CSMD3: variants seen among roughly 807,000 people sequenced by gnomAD.
The protein encoded by CSMD3 is CUB and Sushi multiple domains 3.
Under a neutral mutation model 435.2 loss-of-function variants are expected in CSMD3, and 177 were observed. The observed-to-expected ratio is 0.41, with a 90% confidence interval of 0.36 to 0.46. The LOEUF (loss-of-function observed/expected upper bound fraction) is 0.46, where lower values mean the gene tolerates loss of function less well. Among genes scored for constraint, CSMD3 ranks in the 20% least tolerant of loss-of-function variants. The pLI is 0.34. For synonymous variants in CSMD3, 1,656 were observed against 1,520.5 expected, an observed-to-expected ratio of 1.09 and a Z score of -2.07; for missense variants, 4,265 against 4,504.6, an observed-to-expected ratio of 0.95 and a Z score of 1.52.
intron 6 of CSMD3, among the ~76,000 whole-genome samples, chr8:113,016,567 A>G (rs572156651): frequency 3.3e-5 from 5 of 151,976 alleles, no homozygotes; most frequent in African/African-American, 9.6e-5. Context: ...GTCTTTGGAA[A>G]CCTGCAGATT....
intron 32 of CSMD3, among the ~76,000 whole-genome samples, chr8:112,420,917 C>T (rs1812424661): frequency 6.6e-6 from 1 of 152,038 alleles, no homozygotes; most frequent in Non-Finnish European, 1.5e-5. Flanking sequence ...TTCTTTAACT[C>T]CACTCTGCAT....
chr8:112,852,337 T>A (rs1435412867), intron 11 of CSMD3, among the ~76,000 whole-genome samples: 1 of 152,178 alleles, frequency 6.6e-6, no homozygotes, highest in Non-Finnish European at 1.5e-5. Flanking sequence ...TTGGATTTTT[T>A]TGTTTTCCTG....
At chr8:112,786,163 G>T (rs2078532668) in intron 13 of CSMD3, among the ~76,000 whole-genome samples, 1 of 152,022 alleles carries the variant, frequency 6.6e-6, no homozygotes, top group African/African-American at 2.4e-5. Context: ...AAGATGCCAA[G>T]AACATACACT....
At position 112,745,730 on chromosome 8, in the gene CSMD3, C is replaced by T. The variant is rs138336518; in HGVS notation, c.1972+54432G>A. On this transcript the variant is annotated intron_variant, in intron 13 of 70. Transcript: ENST00000297405. ...AATTTTCAAATATTTTTATATACTACTGAAAAAGTTTAGAGTCCTTAGGAA... is the reference window on the plus strand; with the variant it reads ...AATTTTCAAATATTTTTATATACTATTGAAAAAGTTTAGAGTCCTTAGGAA... 9.9e-4 allele frequency among the ~76,000 whole-genome samples: 148 copies of T among 148,766 alleles called. 1 individual carries two copies. In the East Asian group the frequency reaches 0.018, roughly 18 times the overall value.
chr8:112,686,759 T>G (rs959866097), intron 14 of CSMD3, among the ~76,000 whole-genome samples: 5 of 152,182 alleles, frequency 3.3e-5, no homozygotes, highest in Non-Finnish European at 7.3e-5. Context: ...GTAATGGGAT[T>G]ACAGGCGTGA....
chr8:112,708,400 A>G (rs1327696075), intron 13 of CSMD3, among the ~76,000 whole-genome samples: 1 of 152,012 alleles, frequency 6.6e-6, no homozygotes, highest in African/African-American at 2.4e-5. Flanking sequence ...TAAATAAGAA[A>G]CAAAACTAAA....
At chr8:112,613,546 T>A (rs559388776) in intron 22 of CSMD3, among the ~76,000 whole-genome samples, 6 of 152,310 alleles carry the variant, frequency 3.9e-5, no homozygotes, top group Non-Finnish European at 8.8e-5. Flanking sequence ...AAACCATGTT[T>A]ATTTTGAAAT....
intron 1 of CSMD3, among the ~76,000 whole-genome samples, chr8:113,397,038 T>G (rs2094486789): frequency 6.6e-6 from 1 of 152,152 alleles, no homozygotes; most frequent in Admixed American, 6.5e-5. Context: ...TATAAACGAA[T>G]GAATGTTGGA....
At chr8:112,611,731 C>T (rs1458723278) in intron 22 of CSMD3, among the ~76,000 whole-genome samples, 2 of 152,082 alleles carry the variant, frequency 1.3e-5, no homozygotes, top group Non-Finnish European at 2.9e-5. Context: ...CAGATTCTAG[C>T]TAATGAAATT....
chr8:112,743,296 C>CA (rs372456900), intron 13 of CSMD3, among the ~76,000 whole-genome samples: 2,062 of 141,148 alleles, frequency 0.015, 59 homozygotes, highest in African/African-American at 0.045. Flanking sequence ...ACATTCTCAC[C>CA]AAAAAAAAAA....
intron 13 of CSMD3, among the ~76,000 whole-genome samples, chr8:112,745,174 G>C (rs921561921): frequency 3.0e-4 from 45 of 152,036 alleles, no homozygotes; most frequent in African/African-American, 1.1e-3. Flanking sequence ...CTGTGACAGT[G>C]TGTACTTAAC....
chr8:112,411,057 T>G (rs543337971), intron 32 of CSMD3, among the ~76,000 whole-genome samples: 1 of 150,732 alleles, frequency 6.6e-6, no homozygotes, highest in East Asian at 2.0e-4. Context: ...TTACAAACAT[T>G]TAAAACAACT....
Position 112,293,314 on chromosome 8 carries a change from A to G in CSMD3, c.8615-604T>C, listed in dbSNP as rs550106335. 2.7e-4 allele frequency among the ~76,000 whole-genome samples: 41 copies of G among 152,214 alleles called. 1 individual carries two copies. The Middle Eastern group carries it at 0.01, about 38-fold the overall frequency. On this transcript the variant is annotated intron_variant, in intron 54 of 70. Transcript: ENST00000297405. ...TTAAAAAACAAAGTTAAAAAGTAGA[A>G]AAGAACAAAACTGCACCAGTTTTCC...
At chr8:112,968,126 A>T (rs1267870887) in intron 7 of CSMD3, among the ~76,000 whole-genome samples, 1 of 151,876 alleles carries the variant, frequency 6.6e-6, no homozygotes, top group Non-Finnish European at 1.5e-5. Flanking sequence ...CTGATTTCAC[A>T]TTTAATGAGA....
intron 32 of CSMD3, among the ~76,000 whole-genome samples, chr8:112,413,763 T>C (rs935793963): frequency 1.5e-4 from 23 of 152,208 alleles, no homozygotes; most frequent in African/African-American, 5.5e-4. Flanking sequence ...GTTGAAACGT[T>C]CTACCACTGC....
chr8:113,430,285 A>T (rs2094663640), intron 1 of CSMD3, among the ~76,000 whole-genome samples: 1 of 152,196 alleles, frequency 6.6e-6, no homozygotes, highest in Admixed American at 6.5e-5. Context: ...TATTTGAATA[A>T]TATTGGCAAT....
chr8:112,247,745 T>C (rs1370649126), intron 63 of CSMD3, among the ~76,000 whole-genome samples: 1 of 152,118 alleles, frequency 6.6e-6, no homozygotes, highest in African/African-American at 2.4e-5. Flanking sequence ...AGGAATTTGT[T>C]AAAAATGTCA....
chr8:113,155,367 T>C (rs1186561279), intron 4 of CSMD3, among the ~76,000 whole-genome samples: 2 of 152,066 alleles, frequency 1.3e-5, no homozygotes, highest in Non-Finnish European at 2.9e-5. Flanking sequence ...GACATATACA[T>C]AGAAATTCAA....
chr8:112,410,506 AT>A (rs1177127613), intron 32 of CSMD3, among the ~76,000 whole-genome samples: 1 of 141,852 alleles, frequency 7.0e-6, no homozygotes, highest in African/African-American at 2.6e-5. Context: ...ATATATATAT[AT>A]ATATATATAT....
Sources: gnomAD v4.1 joint callset for allele counts (sites outside exome capture counted in the v4.1 genomes callset) on GRCh38, gnomAD v4.1.1 for gene constraint, MANE v1.5 for transcripts, NCBI Gene and HGNC (gene_info 2026-07-23, HGNC 2026-07-21) for gene names.